ITM2C: variants seen among roughly 807,000 people sequenced by gnomAD.
ITM2C encodes the protein integral membrane protein 2C.
A neutral mutation model predicts 30.0 loss-of-function variants in ITM2C; 20 were observed. That is an observed-to-expected ratio of 0.67 (90% CI 0.47 to 0.97). The LOEUF (loss-of-function observed/expected upper bound fraction) is 0.97. ITM2C is among the 50% of genes least tolerant of loss of function. The pLI is 0.00. For synonymous variants in ITM2C, 167 were observed against 156.4 expected, an observed-to-expected ratio of 1.07 and a Z score of -0.51; for missense variants, 366 against 371.9, an observed-to-expected ratio of 0.98 and a Z score of 0.13.
intron 1 of ITM2C, among the ~76,000 whole-genome samples, chr2:230,872,379 A>C (rs759344419): frequency 6.6e-6 from 1 of 152,222 alleles, no homozygotes. Flanking sequence ...GAGAAGAGAC[A>C]GGAAATTGAC....
At position 230,878,009 on chromosome 2, in the gene ITM2C, G is replaced by T. The variant is rs1689962739; in HGVS notation, c.714G>T (p.Arg238=). ...YRLRRRATRR[R]INKRGAKNCN... ...TGGGGTTTTTCTTTTTCCTCCCAGG[G>T]ATCAACAAGCGTGGGGCCAAGAACT... Residue 238 remains arginine, a splice_region_variant and synonymous_variant, in exon 6 of 6, where the codon CGG becomes CGT. Transcript: ENST00000326427. This position sits in a 1 kb window ranked among gnomAD's most constrained non-coding sequence, Gnocchi z 4.5. 8 of 1,612,568 alleles carry T rather than the reference G, an allele frequency of 5.0e-6. No homozygotes were observed. Among genetic ancestry groups the T allele is most frequent in the Non-Finnish European group, 6.8e-6 (8 of 1,179,222 alleles).
intron 1 of ITM2C, among the ~76,000 whole-genome samples, chr2:230,871,608 C>T (rs551352293): frequency 6.6e-6 from 1 of 152,328 alleles, no homozygotes; most frequent in African/African-American, 2.4e-5. Flanking sequence ...TAAAGCAGGG[C>T]AAGGTGGGGA....
upstream of ITM2C, chr2:230,864,852 C>T (rs1300234140): frequency 2.6e-6 from 2 of 773,578 alleles, no homozygotes; most frequent in Non-Finnish European, 3.4e-6. This position sits in a 1 kb window ranked among gnomAD's most constrained non-coding sequence, Gnocchi z 4.3. Flanking sequence ...GCAGGCGCGG[C>T]GGGCGCCGGG....
Position 230,877,293 on chromosome 2 carries a change from GC to G in ITM2C, c.562-105del. 1 of 1,183,938 alleles carries G rather than the reference GC, an allele frequency of 8.4e-7. No homozygotes were observed. The highest frequency in any genetic ancestry group is 1.2e-6 in the Non-Finnish European group (1 of 826,278). The allele number at this position is 1,183,938 out of a possible 1,614,324, so 73.3% of individuals were successfully genotyped here. On this transcript the variant is annotated intron_variant, in intron 4 of 5. Coordinates refer to ENST00000326427, the MANE Select transcript of ITM2C (RefSeq NM_030926.6). The surrounding 1 kb of genome is among the most constrained non-coding windows in gnomAD (Gnocchi z 4.8). Reference sequence around the variant, plus strand: ...GGAAGTGCCTGAGGACATCAGAAGGGCCAGCCCAGGGGCCTCTGGAGGAGGG... The same window carrying G: ...GGAAGTGCCTGAGGACATCAGAAGGGCAGCCCAGGGGCCTCTGGAGGAGGG...
intron 1 of ITM2C, among the ~76,000 whole-genome samples, chr2:230,870,789 A>G (rs1206585911): frequency 6.6e-6 from 1 of 152,200 alleles, no homozygotes; most frequent in Non-Finnish European, 1.5e-5. Flanking sequence ...GCCCTTTGCC[A>G]TAAAGCTAGC....
upstream of ITM2C, chr2:230,864,799 G>A (rs1053917208): frequency 1.0e-5 from 3 of 291,400 alleles, no homozygotes; most frequent in Non-Finnish European, 1.8e-5. This position sits in a 1 kb window ranked among gnomAD's most constrained non-coding sequence, Gnocchi z 4.3. Context: ...GGAGCGGCGC[G>A]CCCGGCAGGG....
rs1049883686 is a variant in ITM2C at position 230,877,895 on chromosome 2, A to G, written c.713-113A>G. 2.4e-6 allele frequency: 2 copies of G among 816,492 alleles called. No homozygotes were observed. The highest frequency in any genetic ancestry group is 4.0e-6 in the Non-Finnish European group (2 of 500,930). 50.6% of individuals were successfully genotyped at this position (816,492 alleles called of 1,614,324 possible). ...ATTTCTCACTGTGCTCTTTGGGTGA[A>G]TCTGGGTGAATGGTGTCACTTCCTG... On this transcript the variant is annotated intron_variant, in intron 5 of 5. Coordinates refer to ENST00000326427, the MANE Select transcript of ITM2C (RefSeq NM_030926.6). The surrounding 1 kb of genome is among the most constrained non-coding windows in gnomAD (Gnocchi z 4.8).
chr2:230,875,757 G>T lies in ITM2C; in HGVS notation c.399G>T (p.Val133=). ...DENYERINVP[V]PQFGGGDPAD... is the part of the protein sequence containing the mutation. ...ACTACGAGCGCATCAACGTGCCTGT[G>T]CCCCAGTTTGGCGGCGGTGACCCTG... The change falls in exon 3 of 6, where the codon GTG becomes GTT. Residue 133 remains valine, a synonymous_variant. Transcript: ENST00000326427. 2 of 1,574,702 alleles carry T rather than the reference G, an allele frequency of 1.3e-6. No homozygotes were observed. Among genetic ancestry groups the T allele is most frequent in the East Asian group, 4.8e-5 (2 of 41,846 alleles).
Position 230,865,342 on chromosome 2 carries a change from A to G in ITM2C, c.120+197A>G, listed in dbSNP as rs938174694. 4.0e-5 allele frequency: 20 copies of G among 505,430 alleles called. No homozygotes were observed. Among genetic ancestry groups the G allele is most frequent in the Non-Finnish European group, 6.2e-5 (20 of 324,960 alleles). 31.3% of individuals were successfully genotyped at this position (505,430 alleles called of 1,614,324 possible). A position where few individuals can be genotyped will look rare whatever the true frequency, so the allele number is the denominator to read the frequency against. On this transcript the variant is annotated intron_variant, in intron 1 of 5. Transcript: ENST00000326427. This position sits in a 1 kb window ranked among gnomAD's most constrained non-coding sequence, Gnocchi z 6.8. The stretch of plus-strand genomic sequence containing the variant: ...AGTCCCGTACTAAAGCGGCAGCCAA[A>G]AGCTGAAGTCCGAAGAGTGGGAGGC...
In ITM2C at chr2:230,865,194, G is replaced by A; in HGVS notation, c.120+49G>A. On this transcript the variant is annotated intron_variant, in intron 1 of 5. Coordinates refer to ENST00000326427, the MANE Select transcript of ITM2C (RefSeq NM_030926.6). The surrounding 1 kb of genome is among the most constrained non-coding windows in gnomAD (Gnocchi z 6.8). ...GGTGGGGCGGGGGACCCAGGCTCACGACCCAGGCGCGCCCCGTCGGCCCTG... is the reference window on the plus strand; with the variant it reads ...GGTGGGGCGGGGGACCCAGGCTCACAACCCAGGCGCGCCCCGTCGGCCCTG... 1 of 1,348,140 alleles carries A rather than the reference G, an allele frequency of 7.4e-7. No individual in the cohort carries two copies. The highest frequency in any genetic ancestry group is 9.6e-7 in the Non-Finnish European group (1 of 1,042,180). The allele number at this position is 1,348,140 out of a possible 1,614,324, so 83.5% of individuals were successfully genotyped here. A position where few individuals can be genotyped will look rare whatever the true frequency, so the allele number is the denominator to read the frequency against.
intron 1 of ITM2C, among the ~76,000 whole-genome samples, chr2:230,868,588 T>A (rs951735879): frequency 5.2e-5 from 6 of 116,248 alleles, no homozygotes; most frequent in Non-Finnish European, 6.3e-5. Flanking sequence ...CTTACCTCTG[T>A]AATTTTCTCC....
chr2:230,868,220 T>C (rs1254266944), intron 1 of ITM2C, among the ~76,000 whole-genome samples: 1 of 144,090 alleles, frequency 6.9e-6, no homozygotes, highest in Non-Finnish European at 1.5e-5. Context: ...CAGGGAGGGA[T>C]GGGGGTGGGG....
At position 230,873,570 on chromosome 2, in the gene ITM2C, G is replaced by A. The variant is rs1697220809; in HGVS notation, c.261+13G>A. The A allele has an allele frequency of 6.3e-7, 1 of 1,594,706 alleles. No individual in the cohort carries two copies. Among genetic ancestry groups the A allele is most frequent in the Non-Finnish European group, 8.5e-7 (1 of 1,172,586 alleles). On this transcript the variant is annotated intron_variant, in intron 2 of 5. Coordinates refer to ENST00000326427, the MANE Select transcript of ITM2C (RefSeq NM_030926.6). ...CTTCCTTGCGCAGGTGAGGGGCCGG[G>A]CCAGGTAGGGGCAAGGCCTCGAGAA...
At chr2:230,864,283 G>A (rs1696969094), upstream of ITM2C, among the ~76,000 whole-genome samples, 2 of 152,202 alleles carry the variant, frequency 1.3e-5, no homozygotes, top group Admixed American at 6.5e-5. This position sits in a 1 kb window ranked among gnomAD's most constrained non-coding sequence, Gnocchi z 4.3. Context: ...GGGAGCAGGG[G>A]CGGCCTTCCC....
intron 2 of ITM2C, 33 bp from the exon 3 acceptor site, chr2:230,875,587 C>A: frequency 6.4e-7 from 1 of 1,566,380 alleles, no homozygotes; most frequent in Non-Finnish European, 8.7e-7. Flanking sequence ...ACCAGCCTCT[C>A]TGACTGTCTG....
chr2:230,865,166 G>C lies in ITM2C; in HGVS notation c.120+21G>C. The stretch of plus-strand genomic sequence containing the variant: ...CTAGGGTGAGAGGGTCTGGGGCTCA[G>C]GCGGTGGGGCGGGGGACCCAGGCTC... On this transcript the variant is annotated intron_variant, in intron 1 of 5. Coordinates refer to ENST00000326427, the MANE Select transcript of ITM2C (RefSeq NM_030926.6). This position sits in a 1 kb window ranked among gnomAD's most constrained non-coding sequence, Gnocchi z 6.8. 7.1e-7 allele frequency: 1 copy of C among 1,404,252 alleles called. No homozygotes were observed. The highest frequency in any genetic ancestry group is 9.4e-7 in the Non-Finnish European group (1 of 1,066,656). 87.0% of individuals were successfully genotyped at this position (1,404,252 alleles called of 1,614,324 possible). A position where few individuals can be genotyped will look rare whatever the true frequency, so the allele number is the denominator to read the frequency against.
chr2:230,867,692 C>G (rs1477180311), intron 1 of ITM2C, among the ~76,000 whole-genome samples: 1 of 149,364 alleles, frequency 6.7e-6, no homozygotes, highest in Non-Finnish European at 1.5e-5. Flanking sequence ...GACAGAGTCT[C>G]ACTTTTACCC....
At chr2:230,867,575 C>T (rs1464783700) in intron 1 of ITM2C, among the ~76,000 whole-genome samples, 1 of 152,234 alleles carries the variant, frequency 6.6e-6, no homozygotes, top group Non-Finnish European at 1.5e-5. Flanking sequence ...TAAAACGTTT[C>T]TTCTGGCTGG....
At chr2:230,875,043 C>T (rs1332794892) in intron 2 of ITM2C, among the ~76,000 whole-genome samples, 1 of 152,174 alleles carries the variant, frequency 6.6e-6, no homozygotes, top group African/African-American at 2.4e-5. Context: ...GCTCCACCTC[C>T]CCACCCGCCG....
Sources: allele counts gnomAD v4.1 joint callset (sites outside exome capture counted in the v4.1 genomes callset), GRCh38; gene constraint gnomAD v4.1.1; non-coding constraint Gnocchi (gnomAD v3.1); transcripts MANE v1.5; gene names NCBI Gene and HGNC (gene_info 2026-07-23, HGNC 2026-07-21).